EXOC6: variants seen among roughly 807,000 people sequenced by gnomAD.
EXOC6 encodes exocyst complex component 6, also known as SEC15-like 1.
A neutral mutation model predicts 112.5 loss-of-function variants in EXOC6; 60 were observed. The observed-to-expected ratio is 0.53, with a 90% confidence interval of 0.43 to 0.66. The LOEUF is 0.66. EXOC6 is among the 30% of genes least tolerant of loss of function. The pLI is 0.00. For missense variants in EXOC6, 855 were observed against 957.1 expected (o/e 0.89, Z 1.41); for synonymous variants, 295 against 308.0 (o/e 0.96, Z 0.44).
chr10:92,887,362 A>G (rs749911728), intron 1 of EXOC6, among the ~76,000 whole-genome samples: 7 of 151,106 alleles, frequency 4.6e-5, no homozygotes, highest in Non-Finnish European at 7.4e-5. Context: ...GTAGAGGATT[A>G]AATCAACTAC....
intron 8 of EXOC6, among the ~76,000 whole-genome samples, chr10:92,924,276 A>G (rs964475277): frequency 4.6e-5 from 7 of 152,204 alleles, no homozygotes; most frequent in African/African-American, 9.6e-5. Context: ...ACTAATCTTA[A>G]TACTCTTCGT....
At chr10:92,974,018 T>G in intron 17 of EXOC6, 35 bp from the exon 18 acceptor site, 1 of 1,484,388 alleles carries the variant, frequency 6.7e-7, no homozygotes, top group South Asian at 1.3e-5. Context: ...TTATTATCTG[T>G]TTCTTGTCTT....
intron 12 of EXOC6, 34 bp downstream of exon 12, chr10:92,935,919 G>C: frequency 7.3e-7 from 1 of 1,366,340 alleles, no homozygotes; most frequent in African/African-American, 1.5e-5. Flanking sequence ...TGGTTATTCT[G>C]ATCACTTAAA....
Position 92,990,743 on chromosome 10 carries a change from A to T in EXOC6, c.1954-6731A>T, listed in dbSNP as rs538676585. Among the ~76,000 whole-genome samples the T allele has an allele frequency of 2.0e-5, 3 of 152,248 alleles. No homozygotes were observed. In the South Asian group the frequency reaches 6.2e-4, roughly 32 times the overall value. ...CCATCACCTAGGTATTAAGCCCAGC[A>T]TGCATTATCTGTTTATCCCAATGCT... is the stretch of plus-strand genomic sequence containing the variant. On this transcript the variant is annotated intron_variant, in intron 18 of 21. Coordinates refer to ENST00000260762, the MANE Select transcript of EXOC6 (RefSeq NM_019053.6).
chr10:93,044,066 CATG>C (rs1845901327), intron 20 of EXOC6, among the ~76,000 whole-genome samples: 1 of 152,230 alleles, frequency 6.6e-6, no homozygotes, highest in South Asian at 2.1e-4. Flanking sequence ...GCCCTGACTA[CATG>C]ATGTGAACTT....
At chr10:92,927,330 T>A (rs1357198510) in intron 8 of EXOC6, among the ~76,000 whole-genome samples, 1 of 152,172 alleles carries the variant, frequency 6.6e-6, no homozygotes, top group African/African-American at 2.4e-5. Flanking sequence ...TAGTAATTAA[T>A]TTATTTTTTC....
At chr10:92,991,187 C>T (rs1843224462) in intron 18 of EXOC6, among the ~76,000 whole-genome samples, 1 of 151,294 alleles carries the variant, frequency 6.6e-6, no homozygotes, top group South Asian at 2.1e-4. Context: ...CCTGTAATCC[C>T]AGCACTTTGG....
At chr10:92,851,424 T>A (rs994875816) in intron 1 of EXOC6, among the ~76,000 whole-genome samples, 2 of 152,072 alleles carry the variant, frequency 1.3e-5, no homozygotes, top group African/African-American at 2.4e-5. Flanking sequence ...GGCAGGCAGA[T>A]CACTTGAGGT....
At chr10:93,055,634 G>A (rs1219665224) in intron 20 of EXOC6, among the ~76,000 whole-genome samples, 1 of 152,144 alleles carries the variant, frequency 6.6e-6, no homozygotes, top group African/African-American at 2.4e-5. Context: ...CTTTAAATAA[G>A]TTCCCTTTTC....
intron 20 of EXOC6, among the ~76,000 whole-genome samples, chr10:93,024,077 A>G (rs568111639): frequency 3.9e-4 from 60 of 152,346 alleles, no homozygotes; most frequent in African/African-American, 1.3e-3. Flanking sequence ...CCATTGCTTC[A>G]CTAATACTAT....
At position 92,890,542 on chromosome 10, in the gene EXOC6, A is replaced by G. The variant is rs148637826; in HGVS notation, c.102-2807A>G. ...ATTCCAGTAGGGGAAGACAGATAAT[A>G]CTTAAAAGTGTGAAACAGAGAGTAT... On this transcript the variant is annotated intron_variant, in intron 1 of 21. Transcript: ENST00000260762. Among the ~76,000 whole-genome samples the G allele has an allele frequency of 1.8e-3, 281 of 152,320 alleles. 3 individuals are homozygous for G. The highest frequency in any genetic ancestry group is 6.6e-3 in the African/African-American group (275 of 41,568).
chr10:92,834,871 G>A, intron 1 of EXOC6: 1 of 1,199,216 alleles, frequency 8.3e-7, no homozygotes, highest in Non-Finnish European at 1.2e-6. Flanking sequence ...CGGTGATAAG[G>A]TGGTCCTTTA....
upstream of EXOC6, among the ~76,000 whole-genome samples, chr10:92,848,191 C>A (rs1398251442): frequency 6.6e-6 from 1 of 152,090 alleles, no homozygotes; most frequent in Non-Finnish European, 1.5e-5. Context: ...ACGGTACCCC[C>A]GCGTGTGGCA....
chr10:92,863,840 G>A (rs1307821065), intron 1 of EXOC6, among the ~76,000 whole-genome samples: 3 of 151,158 alleles, frequency 2.0e-5, no homozygotes, highest in Non-Finnish European at 3.0e-5. Context: ...GCGTGAACCC[G>A]GGAGGCGGAG....
At chr10:93,050,758 T>TAAAAAAAAAAA (rs1564940853) in intron 20 of EXOC6, among the ~76,000 whole-genome samples, 1 of 856 alleles carries the variant, frequency 1.2e-3, no homozygotes, top group African/African-American at 5.0e-3. Flanking sequence ...AGACTCCGTC[T>TAAAAAAAAAAA]CAAAAAAAAA....
At chr10:92,994,058 C>T (rs932232344) in intron 18 of EXOC6, among the ~76,000 whole-genome samples, 27 of 152,206 alleles carry the variant, frequency 1.8e-4, no homozygotes, top group Admixed American at 8.5e-4. Flanking sequence ...TGGTCTCAGT[C>T]TGACATCAGG....
chr10:92,968,397 G>A (rs755044251), intron 17 of EXOC6, among the ~76,000 whole-genome samples: 1 of 151,962 alleles, frequency 6.6e-6, no homozygotes, highest in Non-Finnish European at 1.5e-5. Flanking sequence ...TGTTGCCCAG[G>A]CAGTTATTTA....
chr10:93,052,594 C>G (rs1463203676), intron 20 of EXOC6, among the ~76,000 whole-genome samples: 1 of 152,152 alleles, frequency 6.6e-6, no homozygotes, highest in Non-Finnish European at 1.5e-5. Flanking sequence ...ACTTGGAATA[C>G]TAATTTCAGA....
rs1853167152 is a variant in EXOC6, at chr10:92,948,395, T to C, written c.1416+16T>C. 7.3e-7 allele frequency: 1 copy of C among 1,370,076 alleles called. No individual in the cohort carries two copies. Among genetic ancestry groups the C allele is most frequent in the Non-Finnish European group, 1.0e-6 (1 of 990,926 alleles). 84.9% of individuals were successfully genotyped at this position (1,370,076 alleles called of 1,614,324 possible). On this transcript the variant is annotated intron_variant, in intron 14 of 21. Coordinates refer to ENST00000260762, the MANE Select transcript of EXOC6 (RefSeq NM_019053.6). Reference sequence around the variant, plus strand: ...CCTTGAAAAGGTACAAGCTAGTTTTTAATTCAAGGATTTTCTTAAAAATAA... The same window carrying C: ...CCTTGAAAAGGTACAAGCTAGTTTTCAATTCAAGGATTTTCTTAAAAATAA...
Sources: allele counts gnomAD v4.1 joint callset (sites outside exome capture counted in the v4.1 genomes callset), GRCh38; gene constraint gnomAD v4.1.1; transcripts MANE v1.5; gene names NCBI Gene and HGNC (gene_info 2026-07-23, HGNC 2026-07-21).